Variants in TMEM266 observed in about 807,000 individuals in gnomAD.
The protein encoded by TMEM266 is transmembrane protein 266.
In TMEM266, 33 loss-of-function variants were observed where a neutral mutation model predicts 50.5. That is an observed-to-expected ratio of 0.65 (90% confidence interval 0.50 to 0.87). The LOEUF is 0.87. Among genes scored for constraint, TMEM266 ranks in the 40% least tolerant of loss-of-function variants. The pLI is 0.00. For synonymous variants in TMEM266, 310 were observed against 292.3 expected (o/e 1.06, Z -0.62); for missense variants, 655 against 695.1 (o/e 0.94, Z 0.65).
intron 1 of TMEM266, among the ~76,000 whole-genome samples, chr15:76,068,999 A>G (rs1158084079): frequency 6.6e-6 from 1 of 152,212 alleles, no homozygotes; most frequent in Non-Finnish European, 1.5e-5. Context: ...TCATATGGTC[A>G]TCTTATTTAT....
At chr15:76,197,586 A>G (rs1410451222) in intron 9 of TMEM266, among the ~76,000 whole-genome samples, 1 of 152,274 alleles carries the variant, frequency 6.6e-6, no homozygotes, top group Non-Finnish European at 1.5e-5. Flanking sequence ...GCATTTAGTC[A>G]TATGCACAGC....
intron 3 of TMEM266, among the ~76,000 whole-genome samples, chr15:76,143,527 A>G (rs2037712950): frequency 6.6e-6 from 1 of 151,974 alleles, no homozygotes; most frequent in Non-Finnish European, 1.5e-5. Context: ...TTTTTTATTT[A>G]ATTTTTAAAA....
rs1224836518 is a variant in TMEM266, at chr15:76,060,034, C to G, written c.-97+18C>G. The G allele has an allele frequency of 6.7e-6, 1 of 149,600 alleles. No individual in the cohort carries two copies. The allele number at this position is 149,600 out of a possible 1,614,324, so 9.3% of individuals were successfully genotyped here. A position where few individuals can be genotyped will look rare whatever the true frequency, so the allele number is the denominator to read the frequency against. ...GGCAGCAGGTATGTGTCCTCGCAGC[C>G]GGCCGCGGCCAGAGCTTCCCCTGCC... On this transcript the variant is annotated intron_variant, in intron 1 of 10. Transcript: ENST00000388942.
chr15:76,184,522 A>T (rs775163889), intron 8 of TMEM266, among the ~76,000 whole-genome samples: 4 of 152,220 alleles, frequency 2.6e-5, no homozygotes, highest in Non-Finnish European at 5.9e-5. Flanking sequence ...TAAACATTGG[A>T]TGCTATCCCA....
At chr15:76,181,521 A>G (rs916315583) in intron 8 of TMEM266, 1 of 152,194 alleles carries the variant, frequency 6.6e-6, no homozygotes, top group Non-Finnish European at 1.5e-5. Flanking sequence ...GAATTCAGCA[A>G]TTCCTCAATT....
chr15:76,188,864 T>A (rs2038526522), intron 8 of TMEM266, among the ~76,000 whole-genome samples: 1 of 152,116 alleles, frequency 6.6e-6, no homozygotes, highest in African/African-American at 2.4e-5. Flanking sequence ...AACAAAATCA[T>A]AAATGCATAA....
In TMEM266 at chr15:76,202,233, C is replaced by A; in HGVS notation, c.990C>A (p.Tyr330Ter). The change falls in exon 10 of 11, where the codon TAC becomes TAA. Residue 330 changes from tyrosine (Y) to a stop codon, truncating the protein, a stop_gained. Transcript: ENST00000388942. LOFTEE classifies it low-confidence loss of function (END_TRUNC). The stretch of plus-strand genomic sequence containing the variant: ...CGATGAAGGACGACATGAACAGCTA[C>A]ATCAGTCAGTATTACAATGGGCCCA... The A allele has an allele frequency of 6.2e-7, 1 of 1,613,952 alleles. No individual in the cohort carries two copies. Among genetic ancestry groups the A allele is most frequent in the South Asian group, 1.1e-5 (1 of 91,060 alleles).
chr15:76,076,453 T>C (rs986059345), intron 1 of TMEM266, among the ~76,000 whole-genome samples: 3 of 152,110 alleles, frequency 2.0e-5, no homozygotes, highest in African/African-American at 7.3e-5. Context: ...CTCTGGCCTA[T>C]GCTTAAATAT....
Position 76,159,789 on chromosome 15 carries a change from T to C in TMEM266, c.383-306T>C, listed in dbSNP as rs1012230785. Among the ~76,000 whole-genome samples the C allele has an allele frequency of 2.0e-5, 3 of 152,050 alleles. No homozygotes were observed. The South Asian group carries it at 6.3e-4, about 32-fold the overall frequency. On this transcript the variant is annotated intron_variant, in intron 4 of 10. Coordinates refer to ENST00000388942, the MANE Select transcript of TMEM266 (RefSeq NM_152335.3). The stretch of plus-strand genomic sequence containing the variant: ...TCTGGAGAGCTTCTTTCCTAGACTC[T>C]GGCTACAGCCAAAAGCCCACCAAGA...
chr15:76,140,969 C>T (rs1033890822), intron 3 of TMEM266, among the ~76,000 whole-genome samples: 2 of 152,022 alleles, frequency 1.3e-5, no homozygotes, highest in African/African-American at 4.8e-5. Context: ...CCCAGGAGGT[C>T]GAAGCTTTAG....
intron 9 of TMEM266, among the ~76,000 whole-genome samples, chr15:76,199,339 T>G (rs1347638649): frequency 6.6e-6 from 1 of 152,220 alleles, no homozygotes; most frequent in Non-Finnish European, 1.5e-5. Flanking sequence ...AGGACTCAAC[T>G]ATGTAGGCAA....
chr15:76,192,425 G>A (rs1247189470), intron 9 of TMEM266, among the ~76,000 whole-genome samples: 3 of 152,230 alleles, frequency 2.0e-5, no homozygotes, highest in African/African-American at 7.2e-5. Flanking sequence ...TGCGTTGTGT[G>A]TGGTGTCTTC....
In TMEM266 at chr15:76,203,971, C is replaced by T; in HGVS notation, c.1252C>T (p.Pro418Ser). 6.2e-7 allele frequency: 1 copy of T among 1,610,816 alleles called. No homozygotes were observed. Among genetic ancestry groups the T allele is most frequent in the Non-Finnish European group, 8.5e-7 (1 of 1,177,672 alleles). Reference sequence around the variant, plus strand: ...GGACTGCAGCACTGCCCGCGAGGAGCCGTCCTCTGAGCCCGGCCCTTCTCC... The same window carrying T: ...GGACTGCAGCACTGCCCGCGAGGAGTCGTCCTCTGAGCCCGGCCCTTCTCC... ...EEPSSEPGPSPPPLPSQQQVE... is the reference protein window; with the variant it reads ...EEPSSEPGPSSPPLPSQQQVE... The change falls in exon 11 of 11, where the codon CCG (proline) becomes TCG (serine). Residue 418 changes from proline (P) to serine (S), a missense_variant. By Grantham distance (74) the Pro-to-Ser change is moderately conservative. This residue lies in a region of TMEM266 where 455 missense variants were observed against 401.8 expected (regional missense o/e 1.13). Transcript: ENST00000388942.
intron 1 of TMEM266, among the ~76,000 whole-genome samples, chr15:76,060,287 C>T (rs1322851794): frequency 6.6e-6 from 1 of 152,040 alleles, no homozygotes; most frequent in African/African-American, 2.4e-5. Context: ...TCGGGTCCAG[C>T]TGCAGATGCC....
intron 3 of TMEM266, among the ~76,000 whole-genome samples, chr15:76,150,903 A>C (rs1328747230): frequency 1.3e-5 from 2 of 152,302 alleles, no homozygotes; most frequent in South Asian, 2.1e-4. Context: ...TTATGCAAAC[A>C]CCTAAGACTA....
chr15:76,172,623 T>G (rs1181596098), intron 7 of TMEM266, among the ~76,000 whole-genome samples: 1 of 152,172 alleles, frequency 6.6e-6, no homozygotes, highest in Non-Finnish European at 1.5e-5. Flanking sequence ...GGAATGTGTT[T>G]GGGTCTCACT....
chr15:76,198,759 C>G (rs186839968), intron 9 of TMEM266, among the ~76,000 whole-genome samples: 1 of 144,338 alleles, frequency 6.9e-6, no homozygotes, highest in South Asian at 2.4e-4. Flanking sequence ...AAGACAGAAC[C>G]GCAGCCCAAG....
intron 1 of TMEM266, among the ~76,000 whole-genome samples, chr15:76,066,964 C>G (rs758920545): frequency 1.3e-5 from 2 of 152,070 alleles, no homozygotes; most frequent in Non-Finnish European, 2.9e-5. Context: ...TAGATGCCAC[C>G]GGTACTACCG....
intron 1 of TMEM266, among the ~76,000 whole-genome samples, chr15:76,063,009 G>A (rs1182225863): frequency 6.6e-6 from 1 of 152,084 alleles, no homozygotes; most frequent in Non-Finnish European, 1.5e-5. Context: ...TTCCTTGATC[G>A]ACCTTGTAAG....
Sources: allele counts gnomAD v4.1 joint callset (sites outside exome capture counted in the v4.1 genomes callset), GRCh38; gene constraint gnomAD v4.1.1; regional missense constraint gnomAD v4.1.1; transcripts MANE v1.5; gene names NCBI Gene and HGNC (gene_info 2026-07-23, HGNC 2026-07-21).